TXK: variants seen among roughly 807,000 people sequenced by gnomAD.
TXK encodes tyrosine-protein kinase TXK.
A neutral mutation model predicts 81.0 loss-of-function variants in TXK; 60 were observed. That is an observed-to-expected ratio of 0.74 (90% confidence interval 0.60 to 0.92). The LOEUF is 0.92. Ranked by LOEUF, TXK falls within the 40% of genes least tolerant of loss-of-function variation. The pLI, the probability that TXK is intolerant of heterozygous loss-of-function variation, is 0.00. For missense variants in TXK, 581 were observed against 638.3 expected (o/e 0.91, Z 0.97); for synonymous variants, 203 against 210.7 (o/e 0.96, Z 0.32).
At chr4:48,109,800 T>C (rs1187672479) in intron 5 of TXK, among the ~76,000 whole-genome samples, 2 of 152,222 alleles carry the variant, frequency 1.3e-5, no homozygotes, top group African/African-American at 4.8e-5. Context: ...TTGTATTTGC[T>C]GCCTGGTTCT....
rs1423651884 is a variant in TXK, at chr4:48,067,686, G to C, written c.1535C>G (p.Thr512Arg). 1 of 1,614,010 alleles carries C rather than the reference G, an allele frequency of 6.2e-7. No individual in the cohort carries two copies. Reference sequence around the variant, plus strand: ...GACAGCCCGCAGCAGCTCGGCAAATGTAGGGCGGCCTTCAGGTTTCTGGAA... The same window carrying C: ...GACAGCCCGCAGCAGCTCGGCAAATCTAGGGCGGCCTTCAGGTTTCTGGAA... Reference protein sequence around the residue: ...CWHEKPEGRPTFAELLRAVTE... With the variant: ...CWHEKPEGRPRFAELLRAVTE... Residue 512 changes from threonine to arginine, a missense_variant, in exon 15 of 15, where the codon ACA becomes AGA. Transcript: ENST00000264316.
chr4:48,122,934 CTTCATAGA>C (rs548741814), intron 1 of TXK, among the ~76,000 whole-genome samples: 195 of 152,278 alleles, frequency 1.3e-3, no homozygotes, highest in African/African-American at 4.5e-3. Context: ...AGTAGGGAGG[CTTCATAGA>C]TACTAGAGAA....
intron 10 of TXK, among the ~76,000 whole-genome samples, chr4:48,084,585 AT>A (rs1180524973): frequency 2.6e-5 from 4 of 152,158 alleles, no homozygotes; most frequent in Non-Finnish European, 4.4e-5. Flanking sequence ...TCCTTTAGGT[AT>A]AGAAAAACCA....
At chr4:48,072,204 A>G (rs1408922603) in intron 13 of TXK, among the ~76,000 whole-genome samples, 1 of 152,044 alleles carries the variant, frequency 6.6e-6, no homozygotes, top group African/African-American at 2.4e-5. Context: ...GGGTTTCACC[A>G]TGTTGGCCAG....
At chr4:48,130,442 G>A (rs905499837) in intron 1 of TXK, among the ~76,000 whole-genome samples, 6 of 152,122 alleles carry the variant, frequency 3.9e-5, no homozygotes, top group Admixed American at 3.3e-4. Context: ...TTCTCGTGAT[G>A]GGGATTCTCT....
intron 1 of TXK, among the ~76,000 whole-genome samples, chr4:48,116,892 CT>C (rs943520797): frequency 6.6e-6 from 1 of 151,834 alleles, no homozygotes; most frequent in Non-Finnish European, 1.5e-5. Context: ...TTTTTTGTTT[CT>C]TTTTTTTCAG....
chr4:48,083,602 C>T (rs2109414930), intron 10 of TXK, among the ~76,000 whole-genome samples: 1 of 152,286 alleles, frequency 6.6e-6, no homozygotes, highest in East Asian at 1.9e-4. Flanking sequence ...CTCTTTCTTA[C>T]CTATAAAGTT....
intron 1 of TXK, among the ~76,000 whole-genome samples, chr4:48,130,186 C>CT (rs1262672382): frequency 2.0e-5 from 3 of 152,198 alleles, no homozygotes; most frequent in African/African-American, 7.2e-5. Flanking sequence ...TGGCCAAGTT[C>CT]TTTTTTAATC....
intron 10 of TXK, among the ~76,000 whole-genome samples, chr4:48,081,818 C>T (rs777310453): frequency 6.6e-6 from 1 of 152,010 alleles, no homozygotes; most frequent in African/African-American, 2.4e-5. Flanking sequence ...TTGATTTTTC[C>T]CCCTAAACCC....
chr4:48,114,869 G>T (rs2089507), intron 1 of TXK, among the ~76,000 whole-genome samples: 66,266 of 151,634 alleles, frequency 0.44, 16,191 homozygotes, highest in African/African-American at 0.65. Flanking sequence ...ATTCTTTTAC[G>T]TATTTATTGT....
intron 4 of TXK, among the ~76,000 whole-genome samples, chr4:48,111,531 C>A (rs778254695): frequency 6.6e-6 from 1 of 152,146 alleles, no homozygotes; most frequent in Non-Finnish European, 1.5e-5. Flanking sequence ...ATAGTATACC[C>A]GCAGGTGTGG....
At chr4:48,074,356 G>A (rs193229121) in intron 12 of TXK, among the ~76,000 whole-genome samples, 127 of 152,144 alleles carry the variant, frequency 8.3e-4, no homozygotes, top group Non-Finnish European at 1.3e-3. Flanking sequence ...GCCTGCTAAA[G>A]GCTCTAACAA....
chr4:48,118,214 C>G (rs1238826988), intron 1 of TXK, among the ~76,000 whole-genome samples: 1 of 152,184 alleles, frequency 6.6e-6, no homozygotes, highest in East Asian at 1.9e-4. Flanking sequence ...TATTTCAACA[C>G]TATCTATCAG....
At chr4:48,083,441 T>G (rs1056872832) in intron 10 of TXK, among the ~76,000 whole-genome samples, 1 of 152,240 alleles carries the variant, frequency 6.6e-6, no homozygotes. Flanking sequence ...AAACCATTTT[T>G]ACATTTTGTA....
intron 10 of TXK, among the ~76,000 whole-genome samples, chr4:48,082,186 C>A (rs1717325864): frequency 6.6e-6 from 1 of 152,150 alleles, no homozygotes; most frequent in South Asian, 2.1e-4. Flanking sequence ...AAATAAAATT[C>A]TAAGCCCCTA....
At chr4:48,115,552 A>G (rs1244378779) in intron 1 of TXK, among the ~76,000 whole-genome samples, 2 of 152,100 alleles carry the variant, frequency 1.3e-5, no homozygotes, top group Non-Finnish European at 2.9e-5. Context: ...TTCCTTTTTA[A>G]AGACCATAAA....
intron 1 of TXK, among the ~76,000 whole-genome samples, chr4:48,129,445 C>T (rs981007317): frequency 2.6e-5 from 4 of 152,108 alleles, no homozygotes; most frequent in African/African-American, 9.7e-5. Context: ...GCTAACAGGA[C>T]ACCAAACTGA....
intron 1 of TXK, among the ~76,000 whole-genome samples, chr4:48,116,794 A>G (rs76966613): frequency 0.037 from 5,580 of 152,320 alleles, 347 homozygotes; most frequent in African/African-American, 0.13. Flanking sequence ...CACAGCAGCA[A>G]ACAGCAGGCT....
intron 1 of TXK, among the ~76,000 whole-genome samples, chr4:48,130,478 C>G (rs932720510): frequency 1.3e-5 from 2 of 152,152 alleles, no homozygotes; most frequent in Non-Finnish European, 2.9e-5. Context: ...GTGCTCCCAA[C>G]AAAGCAGCCG....
Sources: gnomAD v4.1 joint callset for allele counts (sites outside exome capture counted in the v4.1 genomes callset) on GRCh38, gnomAD v4.1.1 for gene constraint, MANE v1.5 for transcripts, NCBI Gene and HGNC (gene_info 2026-07-23, HGNC 2026-07-21) for gene names.